Variants in ARFGEF1 observed in about 807,000 individuals in gnomAD.
ARFGEF1 encodes the protein brefeldin A-inhibited guanine nucleotide-exchange protein 1.
ARFGEF1 carries 42 observed loss-of-function variants against 231.0 expected under a neutral mutation model. The observed-to-expected ratio is 0.18, with a 90% CI of 0.14 to 0.24. ARFGEF1 has a LOEUF of 0.24. Among genes scored for constraint, ARFGEF1 ranks in the 10% least tolerant of loss-of-function variants. The pLI is 1.00. For synonymous variants in ARFGEF1, 710 were observed against 732.3 expected, an observed-to-expected ratio of 0.97 and a Z score of 0.49; for missense variants, 1,345 against 2,192.0, an observed-to-expected ratio of 0.61 and a Z score of 7.72.
At chr8:67,310,420 G>A (rs1563907478) in intron 1 of ARFGEF1, among the ~76,000 whole-genome samples, 1 of 152,228 alleles carries the variant, frequency 6.6e-6, no homozygotes, top group Non-Finnish European at 1.5e-5. Flanking sequence ...CCAGGCTGGA[G>A]TGCAGTGGCG....
intron 7 of ARFGEF1, among the ~76,000 whole-genome samples, chr8:67,280,862 A>G (rs1805505062): frequency 6.6e-6 from 1 of 152,220 alleles, no homozygotes; most frequent in South Asian, 2.1e-4. Flanking sequence ...CTCTGTTTCT[A>G]CAAATAGGCA....
In ARFGEF1 at chr8:67,198,700, C is replaced by A; in HGVS notation, c.*234G>T. 7.9e-7 allele frequency: 1 copy of A among 1,273,086 alleles called. No homozygotes were observed. The highest frequency in any genetic ancestry group is 9.9e-7 in the Non-Finnish European group (1 of 1,008,052). The allele number at this position is 1,273,086 out of a possible 1,614,324, so 78.9% of individuals were successfully genotyped here. ...ACAGGGAAGGACCCGTGAGCATGAGCTGACACTGTTTAAACAGGCTTTCTG... is the reference window on the plus strand; with the variant it reads ...ACAGGGAAGGACCCGTGAGCATGAGATGACACTGTTTAAACAGGCTTTCTG... On this transcript the variant is annotated 3_prime_UTR_variant, in exon 39 of 39. Transcript: ENST00000262215.
At position 67,214,200 on chromosome 8, in the gene ARFGEF1, T is replaced by C. The variant is rs1000185973; in HGVS notation, c.4686+2390A>G. ...ACATGTATGGCCATGAAACAGATTA[T>C]TGGTACAAATATGAATGTTAAAAGG... On this transcript the variant is annotated intron_variant, in intron 33 of 38. Coordinates refer to ENST00000262215, the MANE Select transcript of ARFGEF1 (RefSeq NM_006421.5). 1.9e-4 allele frequency among the ~76,000 whole-genome samples: 29 copies of C among 152,202 alleles called. No individual in the cohort carries two copies. In the East Asian group the frequency reaches 2.5e-3, roughly 13 times the overall value.
intron 17 of ARFGEF1, among the ~76,000 whole-genome samples, chr8:67,256,549 T>C (rs1263857068): frequency 6.6e-6 from 1 of 152,174 alleles, no homozygotes; most frequent in Non-Finnish European, 1.5e-5. Context: ...ATTTTTCCAA[T>C]ACATCTCAGA....
intron 33 of ARFGEF1, 43 bp from the exon 34 acceptor site, chr8:67,211,658 G>A: frequency 2.5e-6 from 3 of 1,208,668 alleles, no homozygotes; most frequent in Non-Finnish European, 3.3e-6. Flanking sequence ...GGTTAATAAA[G>A]TTTATGGGTG....
At chr8:67,193,954 A>C (rs1217829783), downstream of ARFGEF1, among the ~76,000 whole-genome samples, 1 of 152,246 alleles carries the variant, frequency 6.6e-6, no homozygotes, top group African/African-American at 2.4e-5. Flanking sequence ...AAAGACTTTG[A>C]GTTCTTTAAC....
intron 7 of ARFGEF1, among the ~76,000 whole-genome samples, chr8:67,286,550 GTGTCACAGTATTATT>G (rs1805766149): frequency 6.6e-6 from 1 of 152,212 alleles, no homozygotes; most frequent in Non-Finnish European, 1.5e-5. Flanking sequence ...AAGCATGGCT[GTGTCACAGTATTATT>G]TTACATACAA....
At chr8:67,240,022 T>A (rs1007244952) in intron 20 of ARFGEF1, 140 bp downstream of exon 20, 1 of 1,165,550 alleles carries the variant, frequency 8.6e-7, no homozygotes, top group Non-Finnish European at 1.2e-6. Flanking sequence ...AGCTTAAACA[T>A]TAAGATTCAT....
intron 23 of ARFGEF1, among the ~76,000 whole-genome samples, chr8:67,232,305 G>A (rs544788881): frequency 6.6e-6 from 1 of 151,958 alleles, no homozygotes; most frequent in Non-Finnish European, 1.5e-5. Context: ...TGTTCTATGT[G>A]CTGGACATTT....
intron 3 of ARFGEF1, among the ~76,000 whole-genome samples, chr8:67,299,728 T>C (rs954233453): frequency 1.3e-5 from 2 of 152,146 alleles, no homozygotes; most frequent in African/African-American, 4.8e-5. Context: ...CCTCCCACAT[T>C]GTCAGTCCAC....
chr8:67,194,831 T>G (rs1185476597), downstream of ARFGEF1, among the ~76,000 whole-genome samples: 1 of 152,170 alleles, frequency 6.6e-6, no homozygotes, highest in East Asian at 1.9e-4. Context: ...AAGAGCTACC[T>G]CTTCATTGAC....
At chr8:67,317,898 CAAAA>C (rs951058819) in intron 1 of ARFGEF1, among the ~76,000 whole-genome samples, 1 of 54,868 alleles carries the variant, frequency 1.8e-5, no homozygotes. Context: ...GACTCTGTCT[CAAAA>C]AAAAAAAAAA....
chr8:67,294,752 C>T (rs887420368), intron 5 of ARFGEF1, among the ~76,000 whole-genome samples: 1 of 152,032 alleles, frequency 6.6e-6, no homozygotes, highest in African/African-American at 2.4e-5. Flanking sequence ...TTGAGTGGGA[C>T]GGAAGGGATA....
At chr8:67,226,681 C>T (rs1839385095) in intron 27 of ARFGEF1, among the ~76,000 whole-genome samples, 1 of 152,012 alleles carries the variant, frequency 6.6e-6, no homozygotes, top group East Asian at 1.9e-4. Context: ...AACTTATAAT[C>T]TTAGTATTTC....
chr8:67,282,988 A>C (rs759971586), intron 7 of ARFGEF1, among the ~76,000 whole-genome samples: 50 of 152,246 alleles, frequency 3.3e-4, no homozygotes, highest in Middle Eastern at 3.4e-3. Flanking sequence ...AAATAAGAAC[A>C]AAAGAAAGAA....
At chr8:67,192,100 T>G (rs1303573908) in intron 5 of ARFGEF1, among the ~76,000 whole-genome samples, 4 of 147,780 alleles carry the variant, frequency 2.7e-5, no homozygotes, top group Non-Finnish European at 5.9e-5. Flanking sequence ...TGATACAGAG[T>G]CCTGCTCTGT....
chr8:67,279,384 C>T (rs1371145816), intron 7 of ARFGEF1, among the ~76,000 whole-genome samples: 1 of 152,176 alleles, frequency 6.6e-6, no homozygotes, highest in Non-Finnish European at 1.5e-5. Context: ...CTGCCTTCAA[C>T]AGTATCTTCC....
At chr8:67,245,528 A>T (rs1442435257) in intron 19 of ARFGEF1, among the ~76,000 whole-genome samples, 1 of 150,500 alleles carries the variant, frequency 6.6e-6, no homozygotes, top group East Asian at 1.9e-4. Context: ...CAGTGTTATC[A>T]GCTTAAAATA....
At chr8:67,268,440 G>C (rs981813463) in intron 10 of ARFGEF1, among the ~76,000 whole-genome samples, 1 of 152,266 alleles carries the variant, frequency 6.6e-6, no homozygotes, top group South Asian at 2.1e-4. Context: ...AAACTCATGA[G>C]GGTGCCCTGA....
Sources: allele counts gnomAD v4.1 joint callset (sites outside exome capture counted in the v4.1 genomes callset), GRCh38; gene constraint gnomAD v4.1.1; transcripts MANE v1.5; gene names NCBI Gene and HGNC (gene_info 2026-07-23, HGNC 2026-07-21).